Variants in ADAMTS14 observed in about 807,000 individuals in gnomAD.
ADAMTS14 encodes A disintegrin and metalloproteinase with thrombospondin motifs 14.
In ADAMTS14, 100 loss-of-function variants were observed where a neutral mutation model predicts 128.6. The ratio of observed to expected loss-of-function variants is 0.78; its 90% CI spans 0.66 to 0.92. The LOEUF is 0.92. Among genes scored for constraint, ADAMTS14 ranks in the 40% least tolerant of loss-of-function variants. ADAMTS14 has a pLI of 0.00. For missense variants in ADAMTS14, 1,562 were observed against 1,658.6 expected (o/e 0.94, Z 1.01); for synonymous variants, 665 against 653.8 (o/e 1.02, Z -0.26).
At chr10:70,721,678 C>T (rs1229221712) in intron 4 of ADAMTS14, among the ~76,000 whole-genome samples, 9 of 152,242 alleles carry the variant, frequency 5.9e-5, no homozygotes, top group Admixed American at 1.3e-4. Flanking sequence ...TGAGCCACTG[C>T]GCCTGGCCTA....
At position 70,702,374 on chromosome 10, in the gene ADAMTS14, G is replaced by A. The variant is rs749512850; in HGVS notation, c.585G>A (p.Gln195=). Residue 195 remains glutamine, a synonymous_variant, in exon 3 of 22, where the codon CAG becomes CAA. Transcript: ENST00000373207. ...FFIEPLERGQ[Q]EKEASGRTHV... Reference sequence around the variant, plus strand: ...TTGAGCCTCTGGAGCGGGGCCAGCAGGAGAAGGAGGCCAGCGGGAGGACAC... The same window carrying A: ...TTGAGCCTCTGGAGCGGGGCCAGCAAGAGAAGGAGGCCAGCGGGAGGACAC... 1.2e-6 allele frequency: 2 copies of A among 1,614,184 alleles called. No homozygotes were observed. Among genetic ancestry groups the A allele is most frequent in the South Asian group, 1.1e-5 (1 of 91,082 alleles).
At chr10:70,732,104 G>A in intron 6 of ADAMTS14, 150 bp from the exon 7 acceptor site, 1 of 715,048 alleles carries the variant, frequency 1.4e-6, no homozygotes. Flanking sequence ...TTGTTTGGCT[G>A]CAGGTGGGAC....
intron 18 of ADAMTS14, 149 bp downstream of exon 18, chr10:70,752,376 G>T (rs952619283): frequency 1.3e-4 from 158 of 1,232,232 alleles, no homozygotes; most frequent in Admixed American, 5.7e-4. Context: ...CTGGGCTCCA[G>T]GCCCAGGCCA....
chr10:70,723,334 TG>T (rs1841329305), intron 4 of ADAMTS14, among the ~76,000 whole-genome samples: 1 of 152,134 alleles, frequency 6.6e-6, no homozygotes, highest in Non-Finnish European at 1.5e-5. Flanking sequence ...GCACCCTGGA[TG>T]GGACCAGGAC....
At chr10:70,707,081 C>T (rs1009191272) in intron 3 of ADAMTS14, among the ~76,000 whole-genome samples, 1 of 152,258 alleles carries the variant, frequency 6.6e-6, no homozygotes, top group East Asian at 1.9e-4. Flanking sequence ...ATGCCTTCCC[C>T]AACAGGTCTG....
At chr10:70,755,894 A>T (rs989537169) in intron 19 of ADAMTS14, among the ~76,000 whole-genome samples, 3 of 152,222 alleles carry the variant, frequency 2.0e-5, no homozygotes, top group Non-Finnish European at 4.4e-5. Flanking sequence ...TATGTTATAT[A>T]GATATTACCC....
chr10:70,695,707 G>T (rs967110035), intron 2 of ADAMTS14, among the ~76,000 whole-genome samples: 14 of 152,356 alleles, frequency 9.2e-5, no homozygotes, highest in African/African-American at 3.4e-4. Context: ...CAAACCCAGA[G>T]TTCTGTTCCA....
chr10:70,674,486 G>A (rs1171290184), intron 1 of ADAMTS14, 70 bp from the exon 2 acceptor site: 29 of 1,494,254 alleles, frequency 1.9e-5, no homozygotes, highest in Admixed American at 9.0e-5. Context: ...CCCTGCCCGC[G>A]TGGGATTTCT....
rs200926202 is a variant in ADAMTS14 at position 70,760,671 on chromosome 10, C to T, written c.3490C>T (p.His1164Tyr). 1.2e-6 allele frequency: 2 copies of T among 1,614,182 alleles called. No homozygotes were observed. The highest frequency in any genetic ancestry group is 1.7e-6 in the Non-Finnish European group (2 of 1,180,028). Residue 1164 changes from histidine to tyrosine, a missense_variant, in exon 22 of 22, where the codon CAT (histidine) becomes TAT (tyrosine). Physicochemically the swap from His to Tyr is moderately conservative, Grantham distance 83. Transcript: ENST00000373207. ...ALDTSSPGTQ[H>Y]PFAPETPIPG... ...GGATACAAGCTCCCCAGGGACCCAG[C>T]ATCCCTTTGCCCCTGAGACACCAAT...
At position 70,708,783 on chromosome 10, in the gene ADAMTS14, G is replaced by T. The variant is rs1196569695; in HGVS notation, c.870+5G>T. 3 of 1,491,128 alleles carry T rather than the reference G, an allele frequency of 2.0e-6. No individual in the cohort carries two copies. The highest frequency in any genetic ancestry group is 2.7e-6 in the Non-Finnish European group (3 of 1,100,522). The allele number at this position is 1,491,128 out of a possible 1,614,324, so 92.4% of individuals were successfully genotyped here. A position where few individuals can be genotyped will look rare whatever the true frequency, so the allele number is the denominator to read the frequency against. On this transcript the variant is annotated splice_donor_5th_base_variant and intron_variant, in intron 4 of 21. Transcript: ENST00000373207. ...GTCCTCACCCTCATGAATATCGTGAGTGTCCATGTGTCCTAGGACTTGGGG... is the reference window on the plus strand; with the variant it reads ...GTCCTCACCCTCATGAATATCGTGATTGTCCATGTGTCCTAGGACTTGGGG...
At chr10:70,674,069 T>C (rs1234938537) in intron 1 of ADAMTS14, among the ~76,000 whole-genome samples, 1 of 152,104 alleles carries the variant, frequency 6.6e-6, no homozygotes, top group Non-Finnish European at 1.5e-5. Flanking sequence ...CACGTGCCCA[T>C]GGTCCCCTGG....
chr10:70,731,064 CCACACACA>C (rs56903140), intron 6 of ADAMTS14, among the ~76,000 whole-genome samples: 4 of 145,652 alleles, frequency 2.7e-5, no homozygotes, highest in African/African-American at 5.0e-5. Flanking sequence ...GTTTTACACA[CCACACACA>C]CACACACACA....
intron 3 of ADAMTS14, 46 bp downstream of exon 3, chr10:70,702,514 T>C: frequency 6.4e-7 from 1 of 1,552,326 alleles, no homozygotes; most frequent in Non-Finnish European, 8.7e-7. Context: ...TCCCTACCTC[T>C]GGAGTGTTTC....
At chr10:70,699,354 C>G (rs903814986) in intron 2 of ADAMTS14, among the ~76,000 whole-genome samples, 1 of 152,126 alleles carries the variant, frequency 6.6e-6, no homozygotes, top group African/African-American at 2.4e-5. Context: ...GCGGCAGGTA[C>G]TGTTGTTAAT....
intron 3 of ADAMTS14, among the ~76,000 whole-genome samples, chr10:70,703,667 G>T (rs1165515000): frequency 6.6e-6 from 1 of 152,182 alleles, no homozygotes; most frequent in Non-Finnish European, 1.5e-5. Flanking sequence ...AGACCATAAG[G>T]TCCCCTCTTT....
chr10:70,705,177 GAAT>G (rs1298385985), intron 3 of ADAMTS14, among the ~76,000 whole-genome samples: 1 of 152,210 alleles, frequency 6.6e-6, no homozygotes, highest in Admixed American at 6.5e-5. Context: ...CCAGGGGCAG[GAAT>G]TCCCGGTGCT....
chr10:70,689,766 C>T (rs1485423554), intron 2 of ADAMTS14, among the ~76,000 whole-genome samples: 1 of 145,492 alleles, frequency 6.9e-6, no homozygotes, highest in Non-Finnish European at 1.6e-5. Context: ...GGCATTCCTC[C>T]CAGAGAAGCC....
rs1042485214 is a variant in ADAMTS14 at position 70,736,770 on chromosome 10, G to A, written c.1576G>A (p.Gly526Arg). 1.2e-6 allele frequency: 2 copies of A among 1,613,720 alleles called. No individual in the cohort carries two copies. The highest frequency in any genetic ancestry group is 1.7e-5 in the Admixed American group (1 of 59,974). The change falls in exon 10 of 22, where the codon GGG becomes AGG. Residue 526 changes from glycine to arginine, a missense_variant. Coordinates refer to ENST00000373207, the MANE Select transcript of ADAMTS14 (RefSeq NM_080722.4). ...CKTKKGPPLDGTECAPGKWCF... is the reference protein window; with the variant it reads ...CKTKKGPPLDRTECAPGKWCF... ...GACCAAGAAGGGGCCCCCGCTGGAT[G>A]GGACTGAGTGTGCACCCGGCAAGGT...
intron 7 of ADAMTS14, among the ~76,000 whole-genome samples, chr10:70,732,721 A>G (rs1401299602): frequency 6.6e-6 from 1 of 152,134 alleles, no homozygotes; most frequent in East Asian, 1.9e-4. Context: ...GCTTCCCTCC[A>G]TCACGTCCAC....
Sources: gnomAD v4.1 joint callset for allele counts (sites outside exome capture counted in the v4.1 genomes callset) on GRCh38, gnomAD v4.1.1 for gene constraint, MANE v1.5 for transcripts, NCBI Gene and HGNC (gene_info 2026-07-23, HGNC 2026-07-21) for gene names.